Variants in NR2C2 observed in about 807,000 individuals in gnomAD.
NR2C2 encodes the protein Nuclear hormone receptor TR4.
NR2C2 carries 6 observed loss-of-function variants against 62.9 expected under a neutral mutation model. That is an observed-to-expected ratio of 0.10 (90% CI 0.05 to 0.19). The LOEUF is 0.19. Ranked by LOEUF, NR2C2 falls within the 10% of genes least tolerant of loss-of-function variation. NR2C2 has a pLI of 1.00. For missense variants in NR2C2, 479 were observed against 762.7 expected, an observed-to-expected ratio of 0.63 and a Z score of 4.38; for synonymous variants, 272 against 273.8, an observed-to-expected ratio of 0.99 and a Z score of 0.07.
intron 4 of NR2C2, among the ~76,000 whole-genome samples, chr3:15,018,996 CAAAAG>C (rs2041592134): frequency 1.6e-5 from 1 of 61,394 alleles, no homozygotes; most frequent in African/African-American, 6.9e-5. Flanking sequence ...GCCTGGGTGA[CAAAAG>C]CAAGACTCTT....
intron 2 of NR2C2, chr3:15,004,577 C>T (rs922638456): frequency 6.2e-7 from 1 of 1,612,834 alleles, no homozygotes; most frequent in African/African-American, 1.3e-5. Context: ...CTGCCTCTGG[C>T]CCATTGAGTG....
chr3:14,977,579 T>A (rs969424031), intron 1 of NR2C2, among the ~76,000 whole-genome samples: 9 of 152,306 alleles, frequency 5.9e-5, no homozygotes, highest in Middle Eastern at 6.8e-3. Flanking sequence ...ATAGTTGCTT[T>A]TATCCAAATT....
At chr3:15,016,992 C>T (rs1433212560) in intron 4 of NR2C2, among the ~76,000 whole-genome samples, 1 of 152,190 alleles carries the variant, frequency 6.6e-6, no homozygotes, top group Non-Finnish European at 1.5e-5. Flanking sequence ...AAGTATTTTA[C>T]AAGAACACAG....
In NR2C2 at chr3:15,044,037, T is replaced by G. The variant is rs1335580904; in HGVS notation, c.*1029T>G. On this transcript the variant is annotated 3_prime_UTR_variant, in exon 14 of 14. Transcript: ENST00000425241. Reference sequence around the variant, plus strand: ...CAGATGGAGGAGTGTGGCCTTGGAGTGTGAGCGTTACCTTCCCAGGGCTTT... The same window carrying G: ...CAGATGGAGGAGTGTGGCCTTGGAGGGTGAGCGTTACCTTCCCAGGGCTTT... The G allele has an allele frequency of 6.6e-6, 1 of 151,664 alleles. No homozygotes were observed. The highest frequency in any genetic ancestry group is 1.5e-5 in the Non-Finnish European group (1 of 67,934). The allele number at this position is 151,664 out of a possible 1,614,324, so 9.4% of individuals were successfully genotyped here.
chr3:15,035,419 G>A (rs1273087322), intron 11 of NR2C2, among the ~76,000 whole-genome samples: 1 of 152,242 alleles, frequency 6.6e-6, no homozygotes, highest in Non-Finnish European at 1.5e-5. Context: ...ATTTAGTGAT[G>A]TTTTCAGAAT....
intron 1 of NR2C2, among the ~76,000 whole-genome samples, chr3:14,979,988 G>A (rs2040317946): frequency 6.6e-6 from 1 of 152,064 alleles, no homozygotes; most frequent in African/African-American, 2.4e-5. Context: ...TTCCTTGATG[G>A]TGGGCAAATT....
At chr3:15,026,740 C>T (rs2041832537) in intron 7 of NR2C2, 1 of 152,132 alleles carries the variant, frequency 6.6e-6, no homozygotes, top group Admixed American at 6.5e-5. Flanking sequence ...GCTCTTGTTT[C>T]CTTGGCTAGA....
At chr3:14,982,262 G>C (rs2040392548) in intron 1 of NR2C2, among the ~76,000 whole-genome samples, 1 of 152,102 alleles carries the variant, frequency 6.6e-6, no homozygotes, top group South Asian at 2.1e-4. Context: ...GTAGAGATGG[G>C]TTCTTGCTAT....
chr3:15,013,130 C>T (rs1267295699), intron 2 of NR2C2, among the ~76,000 whole-genome samples: 1 of 152,066 alleles, frequency 6.6e-6, no homozygotes, highest in Non-Finnish European at 1.5e-5. Flanking sequence ...CAGGGGTCTC[C>T]CTGTATTCTC....
intron 1 of NR2C2, among the ~76,000 whole-genome samples, chr3:14,989,847 G>A (rs944082829): frequency 7.0e-6 from 1 of 143,044 alleles, no homozygotes; most frequent in Non-Finnish European, 1.5e-5. Context: ...TAAGAGAATC[G>A]CTTGAACCTG....
At chr3:15,024,784 G>C (rs1420029602) in intron 7 of NR2C2, among the ~76,000 whole-genome samples, 1 of 152,184 alleles carries the variant, frequency 6.6e-6, no homozygotes, top group Non-Finnish European at 1.5e-5. Context: ...TGGTGCTCCT[G>C]ATGTAAACCA....
At chr3:15,009,341 C>A (rs1386734980) in intron 2 of NR2C2, among the ~76,000 whole-genome samples, 1 of 152,054 alleles carries the variant, frequency 6.6e-6, no homozygotes, top group East Asian at 1.9e-4. Context: ...CATGGGGTGA[C>A]CTGAAATCAC....
chr3:15,044,400 T>C lies in NR2C2; in HGVS notation c.*1392T>C, dbSNP rs2042379130. On this transcript the variant is annotated 3_prime_UTR_variant, in exon 14 of 14. Transcript: ENST00000425241. ...TAAAAACAACCCTCAATTTCCAGGGTGATAGTCTTTCTCCTCATAAATTGT... is the reference window on the plus strand; with the variant it reads ...TAAAAACAACCCTCAATTTCCAGGGCGATAGTCTTTCTCCTCATAAATTGT... 1 of 152,118 alleles carries C rather than the reference T, an allele frequency of 6.6e-6. No individual in the cohort carries two copies. The highest frequency in any genetic ancestry group is 1.5e-5 in the Non-Finnish European group (1 of 68,030). 9.4% of individuals were successfully genotyped at this position (152,118 alleles called of 1,614,324 possible). A position where few individuals can be genotyped will look rare whatever the true frequency, so the allele number is the denominator to read the frequency against.
Position 15,032,606 on chromosome 3 carries a change from A to T in NR2C2, c.1232+106A>T, listed in dbSNP as rs1185343564. ...CCTGTCTAGTTTGACTGTTTCTATGACCTCATTCAAAGGACCCTGAGTTTT... is the reference window on the plus strand; with the variant it reads ...CCTGTCTAGTTTGACTGTTTCTATGTCCTCATTCAAAGGACCCTGAGTTTT... On this transcript the variant is annotated intron_variant, in intron 10 of 13. Coordinates refer to ENST00000425241, the MANE Select transcript of NR2C2 (RefSeq NM_001291694.2). 8 of 1,376,222 alleles carry T rather than the reference A, an allele frequency of 5.8e-6. No homozygotes were observed. The East Asian group carries it at 1.8e-4, about 32-fold the overall frequency. 85.3% of individuals were successfully genotyped at this position (1,376,222 alleles called of 1,614,324 possible). A position where few individuals can be genotyped will look rare whatever the true frequency, so the allele number is the denominator to read the frequency against.
intron 1 of NR2C2, 47 bp downstream of exon 1, chr3:14,947,953 G>A (rs1341489585): frequency 6.6e-6 from 1 of 151,378 alleles, no homozygotes; most frequent in Non-Finnish European, 1.5e-5. Context: ...CGGCGGAGGG[G>A]GCGGGCCTGG....
intron 1 of NR2C2, among the ~76,000 whole-genome samples, chr3:14,988,955 T>C (rs925180295): frequency 5.9e-5 from 9 of 152,218 alleles, no homozygotes; most frequent in Admixed American, 4.6e-4. Context: ...TCAGCCTCCT[T>C]CTCCACCCTA....
At chr3:15,016,119 T>C in intron 3 of NR2C2, 33 bp from the exon 4 acceptor site, 1 of 1,540,378 alleles carries the variant, frequency 6.5e-7, no homozygotes, top group Non-Finnish European at 9.0e-7. Flanking sequence ...GATTTTTAAT[T>C]GGCACCCCTG....
intron 1 of NR2C2, among the ~76,000 whole-genome samples, chr3:14,949,062 T>A (rs2039254463): frequency 6.6e-6 from 1 of 152,170 alleles, no homozygotes; most frequent in Non-Finnish European, 1.5e-5. Context: ...AGAGCACAAT[T>A]CGGGAGTGAT....
intron 1 of NR2C2, among the ~76,000 whole-genome samples, chr3:14,969,860 T>C (rs781327157): frequency 6.6e-6 from 1 of 152,102 alleles, no homozygotes; most frequent in African/African-American, 2.4e-5. Context: ...AACATTTCCA[T>C]GTAAGGGAAT....
Sources: gnomAD v4.1 joint callset for allele counts (sites outside exome capture counted in the v4.1 genomes callset) on GRCh38, gnomAD v4.1.1 for gene constraint, MANE v1.5 for transcripts, NCBI Gene and HGNC (gene_info 2026-07-23, HGNC 2026-07-21) for gene names.